ANKRD30B: variants seen among roughly 807,000 people sequenced by gnomAD.
The protein encoded by ANKRD30B is ankyrin repeat domain-containing protein 30B.
A neutral mutation model predicts 202.2 loss-of-function variants in ANKRD30B; 144 were observed. The ratio of observed to expected loss-of-function variants is 0.71; its 90% CI spans 0.62 to 0.82. The LOEUF is 0.82. Among genes scored for constraint, ANKRD30B ranks in the 40% least tolerant of loss-of-function variants. The probability of loss-of-function intolerance (pLI) is 0.00; values close to 1 mark genes in which losing one functional copy is unlikely to be tolerated. For synonymous variants in ANKRD30B, 508 were observed against 561.3 expected, an observed-to-expected ratio of 0.91 and a Z score of 1.34; for missense variants, 1,487 against 1,669.1, an observed-to-expected ratio of 0.89 and a Z score of 1.90.
chr18:14,896,136 AT>A, the ANKRD30B span, among the ~76,000 whole-genome samples: 2,365 of 140,438 alleles, frequency 0.017, 49 homozygotes, highest in African/African-American at 0.05. Context: ...TTATCTGCTC[AT>A]TTTTTTTTTT....
the ANKRD30B span, among the ~76,000 whole-genome samples, chr18:14,901,555 G>GTTTT: frequency 1.3e-5 from 2 of 148,482 alleles, no homozygotes; most frequent in African/African-American, 2.5e-5. Context: ...TCAAGACAAA[G>GTTTT]TTTTTTTTTT....
chr18:14,765,475 GA>G (rs1567988482), intron 7 of ANKRD30B, among the ~76,000 whole-genome samples: 5 of 146,836 alleles, frequency 3.4e-5, no homozygotes, highest in Non-Finnish European at 1.5e-5. Context: ...AAAAAAAAAA[GA>G]AAAAGAAAAA....
At chr18:14,806,910 A>G (rs531033158) in intron 24 of ANKRD30B, among the ~76,000 whole-genome samples, 3 of 151,108 alleles carry the variant, frequency 2.0e-5, no homozygotes, top group African/African-American at 7.3e-5. Flanking sequence ...AGGTTTCTTC[A>G]GTGCTTCAGA....
chr18:14,837,169 G>T, intron 34 of ANKRD30B, 42 bp from the exon 35 acceptor site: 1 of 1,259,114 alleles, frequency 7.9e-7, no homozygotes, highest in Non-Finnish European at 1.1e-6. Flanking sequence ...TTTTTCTGAA[G>T]TTTTTTTTTT....
the ANKRD30B span, among the ~76,000 whole-genome samples, chr18:14,921,849 C>G: frequency 1.4e-4 from 21 of 152,076 alleles, no homozygotes; most frequent in Non-Finnish European, 2.8e-4. Context: ...TATTGTTTTC[C>G]GATGCATAAA....
chr18:14,855,615 C>T (rs1713879), downstream of ANKRD30B, among the ~76,000 whole-genome samples: 73,599 of 147,996 alleles, frequency 0.5, 17,834 homozygotes, highest in Non-Finnish European at 0.52. Context: ...AGGCACTCCT[C>T]ACCTACCAGA....
At chr18:14,860,983 G>A in the ANKRD30B span, among the ~76,000 whole-genome samples, 7 of 152,236 alleles carry the variant, frequency 4.6e-5, no homozygotes, top group East Asian at 1.9e-4. Context: ...TTACAGGTGC[G>A]AGCCACTGCA....
the ANKRD30B span, chr18:14,910,099 C>A: frequency 6.6e-6 from 1 of 152,250 alleles, no homozygotes; most frequent in African/African-American, 2.4e-5. Context: ...TTTTAAATTT[C>A]ATTTTTAATA....
In ANKRD30B at chr18:14,787,198, C is replaced by A; in HGVS notation, c.1734+98C>A. 1.9e-6 allele frequency: 2 copies of A among 1,053,298 alleles called. 1 individual carries two copies. The highest frequency in any genetic ancestry group is 2.7e-6 in the Non-Finnish European group (2 of 735,942). 65.2% of individuals were successfully genotyped at this position (1,053,298 alleles called of 1,614,324 possible). A position where few individuals can be genotyped will look rare whatever the true frequency, so the allele number is the denominator to read the frequency against. ...TTTATTTTCTCACCTCTGCATATGT[C>A]ACCCCCAAATTATTTTTTGATATTT... is the stretch of plus-strand genomic sequence containing the variant. On this transcript the variant is annotated intron_variant, in intron 15 of 43. Transcript: ENST00000690538.
intron 15 of ANKRD30B, among the ~76,000 whole-genome samples, chr18:14,790,702 G>T (rs1968434123): frequency 6.6e-6 from 1 of 151,946 alleles, no homozygotes; most frequent in Non-Finnish European, 1.5e-5. Flanking sequence ...TTATTGATTT[G>T]CGTATATTGA....
the ANKRD30B span, among the ~76,000 whole-genome samples, chr18:14,865,449 A>G: frequency 2.1e-5 from 3 of 145,518 alleles, no homozygotes; most frequent in Non-Finnish European, 4.5e-5. Flanking sequence ...TTCTCTCCCC[A>G]CCGTATTTTT....
chr18:14,829,693 C>A (rs529262163), intron 33 of ANKRD30B, among the ~76,000 whole-genome samples: 1 of 152,262 alleles, frequency 6.6e-6, no homozygotes, highest in African/African-American at 2.4e-5. Flanking sequence ...GAATAGATTG[C>A]TGCTTTTTTT....
At chr18:14,805,274 G>A (rs1969438315) in intron 24 of ANKRD30B, among the ~76,000 whole-genome samples, 1 of 150,722 alleles carries the variant, frequency 6.6e-6, no homozygotes, top group Non-Finnish European at 1.5e-5. Context: ...TACTTAAATT[G>A]TTGTTATTCA....
At chr18:14,831,756 A>G (rs1970952250) in intron 34 of ANKRD30B, among the ~76,000 whole-genome samples, 1 of 152,212 alleles carries the variant, frequency 6.6e-6, no homozygotes, top group Admixed American at 6.5e-5. Context: ...TATATTAGAA[A>G]AAACTTTTCC....
the ANKRD30B span, among the ~76,000 whole-genome samples, chr18:14,873,181 G>A: frequency 2.0e-5 from 3 of 152,128 alleles, no homozygotes; most frequent in African/African-American, 7.2e-5. Flanking sequence ...TTGTTATTCA[G>A]TATACTTATT....
At chr18:14,902,951 C>G in the ANKRD30B span, among the ~76,000 whole-genome samples, 1 of 152,194 alleles carries the variant, frequency 6.6e-6, no homozygotes, top group East Asian at 1.9e-4. Context: ...TCTGTGGCTG[C>G]TGTAACAAAT....
At chr18:14,810,571 G>A (rs568442626) in intron 28 of ANKRD30B, among the ~76,000 whole-genome samples, 2,502 of 151,082 alleles carry the variant, frequency 0.017, 191 homozygotes, top group African/African-American at 0.059. Flanking sequence ...AGTTGTGAGT[G>A]TTGTCATTCT....
chr18:14,810,693 C>T (rs1472404948), intron 28 of ANKRD30B, among the ~76,000 whole-genome samples: 1 of 151,108 alleles, frequency 6.6e-6, no homozygotes, highest in East Asian at 1.9e-4. Context: ...TTGCTAGACA[C>T]ACTGTTTTAG....
the ANKRD30B span, among the ~76,000 whole-genome samples, chr18:14,898,127 CTA>C: frequency 6.6e-6 from 1 of 152,118 alleles, no homozygotes; most frequent in Non-Finnish European, 1.5e-5. Context: ...TATATTGTAT[CTA>C]TGCTTAAAAG....
Sources: gnomAD v4.1 joint callset for allele counts (sites outside exome capture counted in the v4.1 genomes callset) on GRCh38, gnomAD v4.1.1 for gene constraint, MANE v1.5 for transcripts, NCBI Gene and HGNC (gene_info 2026-07-23, HGNC 2026-07-21) for gene names.